Variants in HCN1 observed in about 807,000 individuals in gnomAD.
HCN1 encodes the protein potassium/sodium hyperpolarization-activated cyclic nucleotide-gated channel 1.
In HCN1, 13 loss-of-function variants were observed where a neutral mutation model predicts 78.9. That is an observed-to-expected ratio of 0.16 (90% confidence interval 0.11 to 0.26). HCN1 has a LOEUF of 0.26. Among genes scored for constraint, HCN1 ranks in the 10% least tolerant of loss-of-function variants. The pLI, the probability that HCN1 is intolerant of heterozygous loss-of-function variation, is 1.00. For missense variants in HCN1, 810 were observed against 1,154.3 expected (o/e 0.70, Z 4.32); for synonymous variants, 552 against 455.5 (o/e 1.21, Z -2.70).
At chr5:45,414,821 T>G (rs955237953) in intron 3 of HCN1, among the ~76,000 whole-genome samples, 7 of 152,044 alleles carry the variant, frequency 4.6e-5, no homozygotes, top group Admixed American at 1.3e-4. Flanking sequence ...ATCACTTGAT[T>G]TGAGACTATC....
intron 2 of HCN1, among the ~76,000 whole-genome samples, chr5:45,518,956 A>C (rs570616875): frequency 7.9e-5 from 12 of 151,916 alleles, no homozygotes; most frequent in African/African-American, 2.9e-4. Context: ...ATACATATAA[A>C]ATGTGCATAT....
chr5:45,583,025 T>A (rs1436019947), intron 2 of HCN1, among the ~76,000 whole-genome samples: 2 of 152,054 alleles, frequency 1.3e-5, no homozygotes, highest in Non-Finnish European at 1.5e-5. Flanking sequence ...GGTATCAGGA[T>A]GATGTTGGCC....
intron 2 of HCN1, among the ~76,000 whole-genome samples, chr5:45,634,003 C>T (rs551237100): frequency 6.6e-6 from 1 of 152,038 alleles, no homozygotes; most frequent in Admixed American, 6.6e-5. Flanking sequence ...GTTAAGTTCC[C>T]AATAACACTT....
At chr5:45,629,104 A>G (rs1419954411) in intron 2 of HCN1, among the ~76,000 whole-genome samples, 3 of 152,154 alleles carry the variant, frequency 2.0e-5, no homozygotes, top group African/African-American at 4.8e-5. Context: ...GAGTCATTTT[A>G]TAGGGATAAA....
intron 4 of HCN1, among the ~76,000 whole-genome samples, chr5:45,396,130 C>G (rs1356601449): frequency 2.0e-5 from 3 of 152,096 alleles, no homozygotes; most frequent in Non-Finnish European, 4.4e-5. Context: ...ACTTAATCAG[C>G]TAACATTTTT....
At chr5:45,441,710 T>C (rs1740684391) in intron 3 of HCN1, among the ~76,000 whole-genome samples, 1 of 152,206 alleles carries the variant, frequency 6.6e-6, no homozygotes, top group South Asian at 2.1e-4. Context: ...ATATTTGGAA[T>C]AGAAAGCTAG....
At chr5:45,372,228 A>T (rs1439480659) in intron 4 of HCN1, among the ~76,000 whole-genome samples, 1 of 72,016 alleles carries the variant, frequency 1.4e-5, no homozygotes, top group African/African-American at 6.3e-5. Flanking sequence ...AATATATATA[A>T]TATATATTAT....
chr5:45,350,383 T>TA (rs996010631), intron 5 of HCN1, among the ~76,000 whole-genome samples: 22 of 152,246 alleles, frequency 1.4e-4, no homozygotes, highest in African/African-American at 5.3e-4. Flanking sequence ...CTCAAAATAA[T>TA]AAGAGCTATC....
At chr5:45,397,962 A>T (rs1363315496) in intron 3 of HCN1, among the ~76,000 whole-genome samples, 1 of 151,604 alleles carries the variant, frequency 6.6e-6, no homozygotes, top group African/African-American at 2.4e-5. Flanking sequence ...ACTTATTTTT[A>T]AATTTAAATT....
At chr5:45,584,056 A>C (rs1744145988) in intron 2 of HCN1, among the ~76,000 whole-genome samples, 1 of 152,174 alleles carries the variant, frequency 6.6e-6, no homozygotes, top group South Asian at 2.1e-4. Flanking sequence ...CGCTTGCTGC[A>C]GAGCTGAGTT....
intron 2 of HCN1, among the ~76,000 whole-genome samples, chr5:45,602,196 C>T (rs1021327926): frequency 5.9e-5 from 9 of 152,146 alleles, no homozygotes; most frequent in Admixed American, 1.3e-4. Context: ...TTCTTCCTAG[C>T]GGCATGAGAA....
At position 45,396,690 on chromosome 5, in the gene HCN1, C is replaced by T; in HGVS notation, c.1032G>A (p.Gln344=). Residue 344 remains glutamine, a synonymous_variant, in exon 4 of 8, where the codon CAG becomes CAA. Coordinates refer to ENST00000303230, the MANE Select transcript of HCN1 (RefSeq NM_021072.4). ...TAGCTTTGAAGAGTGCGTATGAATA[C>T]TGCTTTCCCCAAGAATCATTCTGCA... ...NEMVNDSWGK[Q]YSYALFKAMS... is the part of the protein sequence containing the mutation. 6.2e-7 allele frequency: 1 copy of T among 1,613,632 alleles called. No individual in the cohort carries two copies. Among genetic ancestry groups the T allele is most frequent in the Non-Finnish European group, 8.5e-7 (1 of 1,179,658 alleles).
At chr5:45,480,735 C>T (rs899420382) in intron 2 of HCN1, among the ~76,000 whole-genome samples, 1 of 152,142 alleles carries the variant, frequency 6.6e-6, no homozygotes, top group Admixed American at 6.5e-5. Context: ...ATGTTTTCTA[C>T]TTTAGTCCCT....
chr5:45,443,798 C>T (rs2111575070), intron 3 of HCN1, among the ~76,000 whole-genome samples: 1 of 152,000 alleles, frequency 6.6e-6, no homozygotes, highest in East Asian at 1.9e-4. Flanking sequence ...ATCTAGAAGG[C>T]TATTTTGTTA....
At chr5:45,443,312 T>C (rs1238229283) in intron 3 of HCN1, among the ~76,000 whole-genome samples, 1 of 152,048 alleles carries the variant, frequency 6.6e-6, no homozygotes, top group Non-Finnish European at 1.5e-5. Context: ...CCATTTTTCT[T>C]GCTATTTGAA....
intron 2 of HCN1, among the ~76,000 whole-genome samples, chr5:45,601,074 G>T (rs1744612048): frequency 6.6e-6 from 1 of 152,032 alleles, no homozygotes; most frequent in African/African-American, 2.4e-5. Flanking sequence ...CTAGTCTCTA[G>T]CCAACTATCA....
chr5:45,659,109 G>A (rs979338087), intron 1 of HCN1, among the ~76,000 whole-genome samples: 2 of 152,094 alleles, frequency 1.3e-5, no homozygotes, highest in Admixed American at 1.3e-4. Context: ...AGAGATCTGA[G>A]AACGGGCAGA....
chr5:45,499,596 G>A (rs376055897), intron 2 of HCN1, among the ~76,000 whole-genome samples: 6 of 152,070 alleles, frequency 3.9e-5, no homozygotes, highest in African/African-American at 1.4e-4. Flanking sequence ...TTCCTTTTTG[G>A]CCATCTTGGC....
chr5:45,627,983 T>A (rs1429724620), intron 2 of HCN1, among the ~76,000 whole-genome samples: 1 of 152,178 alleles, frequency 6.6e-6, no homozygotes, highest in Non-Finnish European at 1.5e-5. Context: ...TTTAAATATA[T>A]CAAATTTTAT....
Sources: gnomAD v4.1 joint callset for allele counts (sites outside exome capture counted in the v4.1 genomes callset) on GRCh38, gnomAD v4.1.1 for gene constraint, MANE v1.5 for transcripts, NCBI Gene and HGNC (gene_info 2026-07-23, HGNC 2026-07-21) for gene names.